The following SYN3 variants were observed in gnomAD, a reference collection of about 807,000 sequenced individuals.
The protein encoded by SYN3 is synapsin-3.
In SYN3, 35 loss-of-function variants were observed where a neutral mutation model predicts 65.8. The observed-to-expected ratio is 0.53, with a 90% CI of 0.41 to 0.70. SYN3 has a LOEUF of 0.70. Among genes scored for constraint, SYN3 ranks in the 30% least tolerant of loss-of-function variants. SYN3 has a pLI of 0.00. For synonymous variants in SYN3, 270 were observed against 292.9 expected (o/e 0.92, Z 0.80); for missense variants, 680 against 749.0 (o/e 0.91, Z 1.08).
chr22:32,526,610 G>T (rs1168689020), intron 12 of SYN3, among the ~76,000 whole-genome samples: 1 of 152,036 alleles, frequency 6.6e-6, no homozygotes, highest in Admixed American at 6.6e-5. Flanking sequence ...CCGCCTCCTG[G>T]GTTCAAGCGA....
intron 2 of SYN3, among the ~76,000 whole-genome samples, chr22:32,984,306 C>T (rs1381719120): frequency 6.6e-6 from 1 of 152,198 alleles, no homozygotes; most frequent in African/African-American, 2.4e-5. Context: ...TCTTTGCACT[C>T]TACCCAGCAC....
intron 7 of SYN3, among the ~76,000 whole-genome samples, chr22:32,557,762 C>T (rs1019838378): frequency 3.3e-5 from 5 of 152,204 alleles, no homozygotes; most frequent in Admixed American, 3.3e-4. Context: ...TGCCCTTGCC[C>T]GTGACACTCC....
At chr22:33,055,898 A>G (rs987877470) in intron 1 of SYN3, among the ~76,000 whole-genome samples, 2 of 152,212 alleles carry the variant, frequency 1.3e-5, no homozygotes, top group African/African-American at 4.8e-5. Context: ...GAGACACTCA[A>G]TACACATTGA....
intron 6 of SYN3, among the ~76,000 whole-genome samples, chr22:32,661,056 G>A (rs2060209878): frequency 6.6e-6 from 1 of 152,244 alleles, no homozygotes; most frequent in Non-Finnish European, 1.5e-5. Flanking sequence ...TCAAGGTGGA[G>A]AGGATAGAAA....
chr22:33,027,568 G>C (rs143577271), intron 1 of SYN3, among the ~76,000 whole-genome samples: 4 of 151,942 alleles, frequency 2.6e-5, no homozygotes, highest in African/African-American at 9.7e-5. Flanking sequence ...CTGCACTCCA[G>C]CCTGGGCGAC....
intron 6 of SYN3, among the ~76,000 whole-genome samples, chr22:32,772,176 C>A (rs111669616): frequency 1.3e-5 from 2 of 152,114 alleles, no homozygotes; most frequent in African/African-American, 4.8e-5. Flanking sequence ...TAGTGCTGGG[C>A]CACAGGGGGG....
intron 6 of SYN3, among the ~76,000 whole-genome samples, chr22:32,775,117 C>G (rs1253328763): frequency 2.0e-5 from 3 of 152,200 alleles, no homozygotes; most frequent in African/African-American, 7.2e-5. Context: ...CTGGTGAGGG[C>G]TCTCTTGCTG....
At chr22:32,959,756 G>C (rs73162026) in intron 3 of SYN3, among the ~76,000 whole-genome samples, 28,969 of 151,974 alleles carry the variant, frequency 0.19, 3,385 homozygotes, top group Non-Finnish European at 0.26. Context: ...CACAATGCCT[G>C]GCTAATTTTT....
intron 6 of SYN3, among the ~76,000 whole-genome samples, chr22:32,657,882 C>G (rs2060164159): frequency 6.6e-6 from 1 of 152,204 alleles, no homozygotes; most frequent in Non-Finnish European, 1.5e-5. Flanking sequence ...CACCCTAAGT[C>G]TCTGGCATTG....
intron 6 of SYN3, among the ~76,000 whole-genome samples, chr22:32,632,434 A>AT (rs1555912204): frequency 6.6e-6 from 1 of 151,934 alleles, no homozygotes; most frequent in Admixed American, 6.6e-5. Flanking sequence ...CACAAACAAG[A>AT]CATGTTTGTG....
chr22:32,604,373 A>AC (rs2059332436), intron 6 of SYN3, among the ~76,000 whole-genome samples: 1 of 151,630 alleles, frequency 6.6e-6, no homozygotes, highest in Admixed American at 6.6e-5. Flanking sequence ...CCTCAGCCCA[A>AC]CCCCTAACTC....
chr22:32,905,121 C>CA (rs1422290855), intron 4 of SYN3, among the ~76,000 whole-genome samples: 3 of 151,926 alleles, frequency 2.0e-5, no homozygotes, highest in Non-Finnish European at 2.9e-5. Flanking sequence ...TATACTCTCA[C>CA]AAAAAAGCAA....
intron 6 of SYN3, among the ~76,000 whole-genome samples, chr22:32,762,559 G>A (rs113839216): frequency 6.6e-6 from 1 of 152,260 alleles, no homozygotes; most frequent in African/African-American, 2.4e-5. Flanking sequence ...ATCTATTTCA[G>A]CTTTGGTGTA....
At chr22:32,925,388 A>G (rs368943838) in intron 4 of SYN3, among the ~76,000 whole-genome samples, 31 of 152,320 alleles carry the variant, frequency 2.0e-4, no homozygotes, top group East Asian at 1.9e-3. Flanking sequence ...CTACGAGTTG[A>G]GACTTCATCT....
At chr22:32,924,436 T>C (rs2050415929) in intron 4 of SYN3, among the ~76,000 whole-genome samples, 1 of 152,230 alleles carries the variant, frequency 6.6e-6, no homozygotes, top group Admixed American at 6.5e-5. Flanking sequence ...GGCCTTTAGC[T>C]ATACTGGCAC....
intron 3 of SYN3, among the ~76,000 whole-genome samples, chr22:32,938,807 A>G (rs1051787914): frequency 5.3e-5 from 8 of 152,112 alleles, no homozygotes; most frequent in Non-Finnish European, 1.0e-4. Context: ...ACGCACCTGT[A>G]ATCCCAGCCA....
intron 4 of SYN3, among the ~76,000 whole-genome samples, chr22:32,890,071 G>GTTTTT (rs2049400596): frequency 2.9e-5 from 2 of 67,916 alleles, no homozygotes; most frequent in Admixed American, 1.6e-4. Flanking sequence ...AGATTTAGCT[G>GTTTTT]CTTTTTTTTT....
intron 6 of SYN3, among the ~76,000 whole-genome samples, chr22:32,642,161 C>T (rs1008451560): frequency 2.6e-5 from 4 of 151,766 alleles, no homozygotes; most frequent in Non-Finnish European, 4.4e-5. Context: ...GTGGTGCAAG[C>T]GCCTGTAATC....
intron 7 of SYN3, among the ~76,000 whole-genome samples, chr22:32,582,651 G>T (rs2058965552): frequency 6.6e-6 from 1 of 152,032 alleles, no homozygotes; most frequent in African/African-American, 2.4e-5. Flanking sequence ...AAAACTTCTG[G>T]GATTACAGGT....
Sources: gnomAD v4.1 joint callset for allele counts (sites outside exome capture counted in the v4.1 genomes callset) on GRCh38, gnomAD v4.1.1 for gene constraint, MANE v1.5 for transcripts, NCBI Gene and HGNC (gene_info 2026-07-23, HGNC 2026-07-21) for gene names.